NLRP1: variants seen among roughly 807,000 people sequenced by gnomAD.
NLRP1 encodes the protein NLR family pyrin domain containing 1.
NLRP1 carries 94 observed loss-of-function variants against 136.7 expected under a neutral mutation model. The ratio of observed to expected loss-of-function variants is 0.69; its 90% CI spans 0.58 to 0.82. The LOEUF is 0.82. Ranked by LOEUF, NLRP1 falls within the 40% of genes least tolerant of loss-of-function variation. The pLI, the probability that NLRP1 is intolerant of heterozygous loss-of-function variation, is 0.00. For missense variants in NLRP1, 1,575 were observed against 1,802.7 expected (o/e 0.87, Z 2.29); for synonymous variants, 690 against 725.1 (o/e 0.95, Z 0.78).
At chr17:5,557,560 G>A (rs1289801182) in intron 4 of NLRP1, among the ~76,000 whole-genome samples, 1 of 152,160 alleles carries the variant, frequency 6.6e-6, no homozygotes, top group African/African-American at 2.4e-5. Context: ...GGCACGTATT[G>A]TGCTTTTTAA....
At chr17:5,533,871 C>T (rs773636432) in intron 9 of NLRP1, 26 bp downstream of exon 9, 3 of 1,501,206 alleles carry the variant, frequency 2.0e-6, no homozygotes, top group Non-Finnish European at 2.8e-6. Flanking sequence ...TGTCACGATG[C>T]TCCCAGCCTT....
chr17:5,537,454 A>T lies in NLRP1; in HGVS notation c.2871-514T>A, dbSNP rs1911236009. On this transcript the variant is annotated intron_variant, in intron 7 of 16. Coordinates refer to ENST00000572272, the MANE Select transcript of NLRP1 (RefSeq NM_033004.4). The surrounding 1 kb of genome is among the most constrained non-coding windows in gnomAD (Gnocchi z 4.5). The stretch of plus-strand genomic sequence containing the variant: ...GTCGGAAGTTTTGCTGGGAAGAGAG[A>T]GTCCTGGTTCCATCCTCCCAGGCCT... Among the ~76,000 whole-genome samples the T allele has an allele frequency of 6.6e-6, 1 of 152,100 alleles. No homozygotes were observed.
At chr17:5,501,704 C>T (rs1227430744) in exon 16 of NLRP1, 5 of 798,926 alleles carry the variant, frequency 6.3e-6, no homozygotes, top group Non-Finnish European at 8.7e-6. Flanking sequence ...CCTTCAAAGA[C>T]CTGCCTCACC....
chr17:5,538,479 G>A (rs757137067), intron 7 of NLRP1, among the ~76,000 whole-genome samples: 12 of 152,134 alleles, frequency 7.9e-5, no homozygotes, highest in Admixed American at 2.0e-4. Flanking sequence ...TGACGTCACT[G>A]TCTCAGGGAA....
chr17:5,512,254 T>C (rs1907688161), downstream of NLRP1: 6 of 1,530,152 alleles, frequency 3.9e-6, no homozygotes, highest in Non-Finnish European at 5.4e-6. Context: ...TTTGGGATTA[T>C]CAGGACAAGA....
chr17:5,580,721 C>T (rs1366821428), intron 3 of NLRP1, among the ~76,000 whole-genome samples: 1 of 151,946 alleles, frequency 6.6e-6, no homozygotes, highest in East Asian at 1.9e-4. Flanking sequence ...TCCTATCTTC[C>T]TTCTTTTCTG....
In NLRP1 at chr17:5,514,512, G is replaced by T; in HGVS notation, c.*242C>A. 2 of 1,379,262 alleles carry T rather than the reference G, an allele frequency of 1.5e-6. No homozygotes were observed. Among genetic ancestry groups the T allele is most frequent in the Middle Eastern group, 2.8e-4 (1 of 3,634 alleles). The allele number at this position is 1,379,262 out of a possible 1,614,324, so 85.4% of individuals were successfully genotyped here. On this transcript the variant is annotated 3_prime_UTR_variant, in exon 17 of 17. Transcript: ENST00000572272. ...CACCAGATGAGGCTCTATGAGGTCT[G>T]CAGGGGTCTTGCCAGCTCCAGATGG...
chr17:5,553,422 G>T lies in NLRP1; in HGVS notation c.2492C>A (p.Thr831Asn), dbSNP rs1426615819. The T allele has an allele frequency of 6.2e-7, 1 of 1,613,858 alleles. No homozygotes were observed. Among genetic ancestry groups the T allele is most frequent in the African/African-American group, 1.3e-5 (1 of 74,898 alleles). The change falls in exon 5 of 17, where the codon ACC (threonine) becomes AAC (asparagine). Residue 831 changes from threonine to asparagine, a missense_variant. By Grantham distance (65) the Thr-to-Asn change is moderately conservative (BLOSUM62 0). Coordinates refer to ENST00000572272, the MANE Select transcript of NLRP1 (RefSeq NM_033004.4). ...SHSAVKSLCK[T>N]LRRPRCLLET... ...CAGGAGGCAGCGAGGGCGTCTCAGG[G>T]TCTTACAAAGACTCTTCACTGCAGA... is the stretch of plus-strand genomic sequence containing the variant.
At chr17:5,525,399 C>T (rs887915642) in intron 12 of NLRP1, among the ~76,000 whole-genome samples, 2 of 152,260 alleles carry the variant, frequency 1.3e-5, no homozygotes, top group Non-Finnish European at 1.5e-5. Flanking sequence ...CTTTCCCAGC[C>T]GCATGCCCGG....
At chr17:5,517,911 G>A (rs1452175790) in intron 14 of NLRP1, 24 bp from the exon 15 acceptor site, 3 of 1,612,878 alleles carry the variant, frequency 1.9e-6, no homozygotes, top group Admixed American at 1.7e-5. Flanking sequence ...GAGTTGAGTT[G>A]CCACCCTGTT....
intron 14 of NLRP1, 183 bp from the exon 15 acceptor site, chr17:5,518,070 A>G: frequency 1.7e-6 from 1 of 592,722 alleles, no homozygotes; most frequent in East Asian, 2.9e-5. Context: ...TGAGGACACA[A>G]CTGAGTACCT....
At chr17:5,505,007 A>G (rs1907266957) in intron 15 of NLRP1, 1 of 152,292 alleles carries the variant, frequency 6.6e-6, no homozygotes, top group Non-Finnish European at 1.5e-5. Context: ...TGCCTGGGCT[A>G]TAGCTATTTG....
Position 5,545,444 on chromosome 17 carries a change from TGACACACA to T in NLRP1, c.2529-3425_2529-3418del, listed in dbSNP as rs1362553427. Among the ~76,000 whole-genome samples the T allele has an allele frequency of 2.2e-5, 3 of 135,486 alleles. No individual in the cohort carries two copies. In the East Asian group the frequency reaches 6.4e-4, roughly 29 times the overall value. The allele number at this position is 135,486 out of a possible 152,430, so 88.9% of individuals were successfully genotyped here. Reference sequence around the variant, plus strand: ...CAGACATACACAGAGACACACACTTTGACACACAGACACACATACAGACACACACACAG... The same window carrying T: ...CAGACATACACAGAGACACACACTTTGACACACATACAGACACACACACAG... On this transcript the variant is annotated intron_variant, in intron 5 of 16. Coordinates refer to ENST00000572272, the MANE Select transcript of NLRP1 (RefSeq NM_033004.4).
chr17:5,516,560 G>T (rs1250882699), intron 15 of NLRP1, among the ~76,000 whole-genome samples: 2 of 152,200 alleles, frequency 1.3e-5, no homozygotes, highest in African/African-American at 4.8e-5. Context: ...TGAGGAAAAA[G>T]ATAACATTGC....
chr17:5,508,712 T>C (rs1407438293), intron 15 of NLRP1, among the ~76,000 whole-genome samples: 3 of 152,158 alleles, frequency 2.0e-5, no homozygotes, highest in South Asian at 4.1e-4. Flanking sequence ...CTTAAGTAGC[T>C]TGAGGGATGC....
chr17:5,545,364 C>CCACA (rs200917145), intron 5 of NLRP1, among the ~76,000 whole-genome samples: 27,095 of 139,188 alleles, frequency 0.19, 3,723 homozygotes, highest in East Asian at 0.72. Flanking sequence ...ACACAGACAC[C>CCACA]CACACAGACA....
At chr17:5,523,305 C>A (rs1022796190) in intron 12 of NLRP1, among the ~76,000 whole-genome samples, 3 of 151,912 alleles carry the variant, frequency 2.0e-5, no homozygotes, top group Non-Finnish European at 2.9e-5. Context: ...AAACAAAAAA[C>A]AAAAAACAAA....
At chr17:5,582,648 A>C in intron 2 of NLRP1, 22 bp downstream of exon 2, 1 of 1,612,174 alleles carries the variant, frequency 6.2e-7, no homozygotes, top group Non-Finnish European at 8.5e-7. Flanking sequence ...CAGGGCTGTC[A>C]GCCTGCCTCA....
At chr17:5,564,756 T>A (rs937375353) in intron 3 of NLRP1, among the ~76,000 whole-genome samples, 3 of 149,542 alleles carry the variant, frequency 2.0e-5, no homozygotes, top group Admixed American at 6.7e-5. Context: ...TTTTTTTTTT[T>A]AGACAGAGTC....
Sources: allele counts gnomAD v4.1 joint callset (sites outside exome capture counted in the v4.1 genomes callset), GRCh38; gene constraint gnomAD v4.1.1; non-coding constraint Gnocchi (gnomAD v3.1); transcripts MANE v1.5; gene names NCBI Gene and HGNC (gene_info 2026-07-23, HGNC 2026-07-21).